The following CC2D2A variants were observed in gnomAD, a reference collection of about 807,000 sequenced individuals.
The protein encoded by CC2D2A is coiled-coil and C2 domain-containing protein 2A.
Under a neutral mutation model 212.9 loss-of-function variants are expected in CC2D2A, and 155 were observed. That is an observed-to-expected ratio of 0.73 (90% CI 0.64 to 0.83). The LOEUF (loss-of-function observed/expected upper bound fraction) is 0.83. CC2D2A is among the 40% of genes least tolerant of loss of function. The pLI, the probability that CC2D2A is intolerant of heterozygous loss-of-function variation, is 0.00. For synonymous variants in CC2D2A, 667 were observed against 686.5 expected (o/e 0.97, Z 0.44); for missense variants, 1,856 against 1,956.2 (o/e 0.95, Z 0.97).
chr4:15,551,607 A>C (rs1174009203), intron 18 of CC2D2A, among the ~76,000 whole-genome samples: 14 of 152,068 alleles, frequency 9.2e-5, no homozygotes, highest in Non-Finnish European at 1.5e-5. Context: ...GTATATTTCA[A>C]CTCTAGAAAT....
intron 12 of CC2D2A, among the ~76,000 whole-genome samples, 172 bp from the exon 13 acceptor site, chr4:15,528,448 T>G (rs777898146): frequency 2.0e-5 from 3 of 152,242 alleles, no homozygotes; most frequent in Non-Finnish European, 4.4e-5. Flanking sequence ...GATGAAACAG[T>G]TCTCCATCAT....
intron 15 of CC2D2A, 128 bp downstream of exon 15, chr4:15,537,204 C>T: frequency 2.7e-6 from 2 of 733,662 alleles, no homozygotes; most frequent in Non-Finnish European, 4.3e-6. Flanking sequence ...CTGTCTCTTC[C>T]CCGTCCCCTG....
chr4:15,526,790 G>C (rs1212803331), intron 11 of CC2D2A, among the ~76,000 whole-genome samples: 2 of 152,164 alleles, frequency 1.3e-5, no homozygotes, highest in African/African-American at 4.8e-5. Flanking sequence ...AGGATTTTAA[G>C]GAAGAAAAGC....
chr4:15,495,775 T>C (rs1232387217), intron 4 of CC2D2A, among the ~76,000 whole-genome samples: 2 of 152,196 alleles, frequency 1.3e-5, no homozygotes. Flanking sequence ...GGCCAAATGA[T>C]AGTTCTATTT....
intron 29 of CC2D2A, among the ~76,000 whole-genome samples, chr4:15,575,069 T>C (rs1720343422): frequency 6.6e-6 from 1 of 152,256 alleles, no homozygotes; most frequent in South Asian, 2.1e-4. Context: ...GTAACATAGT[T>C]GTATAGCATT....
intron 11 of CC2D2A, among the ~76,000 whole-genome samples, chr4:15,520,343 G>A (rs1230517776): frequency 1.3e-5 from 2 of 152,120 alleles, no homozygotes; most frequent in Non-Finnish European, 2.9e-5. Context: ...CAGCCCATGA[G>A]GAATTTATCG....
At position 15,589,532 on chromosome 4, in the gene CC2D2A, C is replaced by A; in HGVS notation, c.4180-13C>A. The A allele has an allele frequency of 6.2e-7, 1 of 1,609,384 alleles. No individual in the cohort carries two copies. Among genetic ancestry groups the A allele is most frequent in the Non-Finnish European group, 8.5e-7 (1 of 1,177,208 alleles). ...ATAGTTGAAAACTAGTTTTAATGGC[C>A]ATCTTCTTTCAGGGTCCAACTGCCT... On this transcript the variant is annotated splice_polypyrimidine_tract_variant and intron_variant, in intron 32 of 36. Coordinates refer to ENST00000424120, the MANE Select transcript of CC2D2A (RefSeq NM_001378615.1).
chr4:15,504,206 G>T (rs765923188), intron 6 of CC2D2A, among the ~76,000 whole-genome samples: 1 of 152,160 alleles, frequency 6.6e-6, no homozygotes, highest in Non-Finnish European at 1.5e-5. Flanking sequence ...TAATTATAAG[G>T]AATGTGGCAG....
chr4:15,491,953 G>A (rs957167951), intron 4 of CC2D2A, among the ~76,000 whole-genome samples: 3 of 151,824 alleles, frequency 2.0e-5, no homozygotes, highest in Non-Finnish European at 2.9e-5. Flanking sequence ...AAAATTAATT[G>A]CCCAACTCAA....
rs28384180 is a variant in CC2D2A, at chr4:15,521,445, C to G, written c.1149+4689C>G. Among the ~76,000 whole-genome samples, 401 of 152,188 alleles carry G rather than the reference C, an allele frequency of 2.6e-3. 4 individuals carry two copies. The highest frequency in any genetic ancestry group is 9.1e-3 in the African/African-American group (379 of 41,504). On this transcript the variant is annotated intron_variant, in intron 11 of 36. Coordinates refer to ENST00000424120, the MANE Select transcript of CC2D2A (RefSeq NM_001378615.1). ...TCAGTCTGTCTCTTGCCAAAAATAG[C>G]TTTTCCATTATTCCATGAAATAGGC...
chr4:15,536,842 A>G (rs1352497145), intron 14 of CC2D2A, 78 bp from the exon 15 acceptor site: 1 of 1,361,730 alleles, frequency 7.3e-7, no homozygotes, highest in African/African-American at 1.4e-5. Context: ...TAGCAAGTCC[A>G]ATATAAGTAT....
chr4:15,498,731 G>T (rs1034933811), intron 4 of CC2D2A, among the ~76,000 whole-genome samples: 1 of 152,188 alleles, frequency 6.6e-6, no homozygotes, highest in Non-Finnish European at 1.5e-5. Flanking sequence ...GAGGGAACTG[G>T]TACCTTTGGC....
At chr4:15,573,815 T>TA (rs1417640269) in intron 28 of CC2D2A, among the ~76,000 whole-genome samples, 3 of 152,210 alleles carry the variant, frequency 2.0e-5, no homozygotes, top group Non-Finnish European at 2.9e-5. Context: ...ACAAAGTAGA[T>TA]ACTATTATTG....
At chr4:15,560,442 G>A (rs1430752005) in intron 22 of CC2D2A, 89 bp from the exon 23 acceptor site, 3 of 659,662 alleles carry the variant, frequency 4.5e-6, no homozygotes, top group African/African-American at 3.7e-5. Flanking sequence ...GGGACACTGA[G>A]ATGACATTAG....
intron 4 of CC2D2A, among the ~76,000 whole-genome samples, chr4:15,484,761 G>C (rs1487999636): frequency 6.6e-6 from 1 of 152,186 alleles, no homozygotes; most frequent in African/African-American, 2.4e-5. Flanking sequence ...GGCAGAAAGG[G>C]CAGGTTTGAA....
intron 1 of CC2D2A, among the ~76,000 whole-genome samples, chr4:15,470,478 G>C (rs1713650794): frequency 6.6e-6 from 1 of 152,108 alleles, no homozygotes; most frequent in African/African-American, 2.4e-5. Flanking sequence ...AAGAGTTGCT[G>C]TGCTTTCCAA....
chr4:15,527,585 A>G lies in CC2D2A; in HGVS notation c.1288A>G (p.Lys430Glu), dbSNP rs1163682192. The stretch of plus-strand genomic sequence containing the variant: ...TAGCCGAGAGCATGTTTTGGCAGCC[A>G]AGCTGGCCCAGTTATATGACCAGTA... The part of the protein sequence containing the change: ...CFSREHVLAA[K>E]LAQLYDQYLA... The change falls in exon 12 of 37, where the codon AAG (lysine) becomes GAG (glutamate). Residue 430 changes from lysine (K) to glutamate (E), a missense_variant. Physicochemically the swap from Lys to Glu is moderately conservative, Grantham distance 56 (BLOSUM62 1). Transcript: ENST00000424120. 18 of 1,613,290 alleles carry G rather than the reference A, an allele frequency of 1.1e-5. No individual in the cohort carries two copies. The highest frequency in any genetic ancestry group is 1.5e-5 in the Non-Finnish European group (18 of 1,179,628).
At chr4:15,538,353 T>G (rs1198049612) in intron 16 of CC2D2A, among the ~76,000 whole-genome samples, 1 of 152,232 alleles carries the variant, frequency 6.6e-6, no homozygotes, top group East Asian at 1.9e-4. Flanking sequence ...ACCTACCTCA[T>G]GCATCTGCAC....
intron 11 of CC2D2A, among the ~76,000 whole-genome samples, chr4:15,525,160 A>G (rs1410346587): frequency 6.6e-6 from 1 of 152,140 alleles, no homozygotes; most frequent in African/African-American, 2.4e-5. Context: ...GTGGAAGGAG[A>G]TGCAAAGTAC....
Sources: gnomAD v4.1 joint callset for allele counts (sites outside exome capture counted in the v4.1 genomes callset) on GRCh38, gnomAD v4.1.1 for gene constraint, MANE v1.5 for transcripts, NCBI Gene and HGNC (gene_info 2026-07-23, HGNC 2026-07-21) for gene names.